CTNND2: variants seen among roughly 807,000 people sequenced by gnomAD.
CTNND2 encodes the protein catenin delta 2.
Under a neutral mutation model 144.4 loss-of-function variants are expected in CTNND2, and 22 were observed. The ratio of observed to expected loss-of-function variants is 0.15; its 90% CI spans 0.11 to 0.22. CTNND2 has a LOEUF of 0.22. Among genes scored for constraint, CTNND2 ranks in the 10% least tolerant of loss-of-function variants. CTNND2 has a pLI of 1.00. For missense variants in CTNND2, 1,353 were observed against 1,618.8 expected (o/e 0.84, Z 2.82); for synonymous variants, 751 against 695.6 (o/e 1.08, Z -1.25).
intron 5 of CTNND2, among the ~76,000 whole-genome samples, chr5:11,406,730 T>C (rs1761129923): frequency 6.6e-6 from 1 of 152,206 alleles, no homozygotes; most frequent in Admixed American, 6.5e-5. Flanking sequence ...ATGATTATTC[T>C]ATTTTAATTC....
At chr5:11,069,075 T>C (rs1405750996) in intron 16 of CTNND2, among the ~76,000 whole-genome samples, 1 of 152,196 alleles carries the variant, frequency 6.6e-6, no homozygotes, top group Non-Finnish European at 1.5e-5. Flanking sequence ...TGTATCTTCA[T>C]CACAACATTA....
At chr5:11,522,852 A>T (rs1295276747) in intron 3 of CTNND2, among the ~76,000 whole-genome samples, 1 of 152,220 alleles carries the variant, frequency 6.6e-6, no homozygotes, top group East Asian at 1.9e-4. Context: ...ATTTACTATG[A>T]TAAATACTGT....
rs1327732718 is a variant in CTNND2 at position 11,364,691 on chromosome 5, C to T, written c.1372+5G>A. ...AGGCCACCCAGTGGGGTCCTGATTA[C>T]ACACCTGTGCTCGTGCGGTAGGTGC... is the stretch of plus-strand genomic sequence containing the variant. On this transcript the variant is annotated splice_donor_5th_base_variant and intron_variant, in intron 8 of 21. Coordinates refer to ENST00000304623, the MANE Select transcript of CTNND2 (RefSeq NM_001332.4). 6.2e-7 allele frequency: 1 copy of T among 1,606,344 alleles called. No individual in the cohort carries two copies. Among genetic ancestry groups the T allele is most frequent in the Non-Finnish European group, 8.5e-7 (1 of 1,177,784 alleles).
chr5:11,661,849 T>C (rs539909782), intron 2 of CTNND2, among the ~76,000 whole-genome samples: 2 of 152,082 alleles, frequency 1.3e-5, no homozygotes, highest in African/African-American at 4.8e-5. Flanking sequence ...TGTTAGGAAC[T>C]GAGTGGCACA....
chr5:11,684,132 C>T (rs998414252), intron 2 of CTNND2, among the ~76,000 whole-genome samples: 13 of 150,910 alleles, frequency 8.6e-5, no homozygotes, highest in Admixed American at 7.3e-4. Context: ...GATGGAGTCT[C>T]GCTCTGTCAT....
At chr5:11,582,179 A>C (rs1424579438) in intron 2 of CTNND2, among the ~76,000 whole-genome samples, 1 of 152,184 alleles carries the variant, frequency 6.6e-6, no homozygotes, top group Non-Finnish European at 1.5e-5. Context: ...GAGAGACAAT[A>C]AATTCCTACT....
intron 10 of CTNND2, among the ~76,000 whole-genome samples, chr5:11,227,853 A>C (rs1200147365): frequency 6.6e-6 from 1 of 152,186 alleles, no homozygotes; most frequent in Non-Finnish European, 1.5e-5. Flanking sequence ...ACAACTGCAA[A>C]TATGAGCTGT....
intron 7 of CTNND2, among the ~76,000 whole-genome samples, chr5:11,381,826 G>T (rs1040420958): frequency 3.7e-4 from 57 of 152,104 alleles, no homozygotes; most frequent in Admixed American, 1.0e-3. Flanking sequence ...AATTAGCCAG[G>T]CGTGGTGGCG....
intron 2 of CTNND2, among the ~76,000 whole-genome samples, chr5:11,647,987 T>C (rs746107416): frequency 3.9e-5 from 6 of 152,304 alleles, no homozygotes; most frequent in Non-Finnish European, 8.8e-5. Context: ...TAAATCTTAC[T>C]TAACTTTCAA....
intron 9 of CTNND2, among the ~76,000 whole-genome samples, chr5:11,288,877 T>G (rs2150010645): frequency 6.6e-6 from 1 of 151,470 alleles, no homozygotes; most frequent in African/African-American, 2.4e-5. Flanking sequence ...CAAAAGAGAT[T>G]CTGTACTGCA....
At chr5:11,648,280 G>C (rs1401432004) in intron 2 of CTNND2, among the ~76,000 whole-genome samples, 1 of 151,544 alleles carries the variant, frequency 6.6e-6, no homozygotes, top group Non-Finnish European at 1.5e-5. Flanking sequence ...AATTCTGCCT[G>C]GGAATATGGG....
chr5:11,502,347 C>A (rs1309584987), intron 3 of CTNND2, among the ~76,000 whole-genome samples: 1 of 152,108 alleles, frequency 6.6e-6, no homozygotes, highest in Non-Finnish European at 1.5e-5. Flanking sequence ...CATGGAAATT[C>A]AATTCAAGGA....
At chr5:11,455,933 A>G (rs1391971589) in intron 3 of CTNND2, among the ~76,000 whole-genome samples, 9 of 152,170 alleles carry the variant, frequency 5.9e-5, no homozygotes, top group African/African-American at 9.7e-5. Context: ...ATCTTCCCCA[A>G]TGGTGATGGG....
chr5:11,682,868 T>C (rs1784481125), intron 2 of CTNND2, among the ~76,000 whole-genome samples: 2 of 152,160 alleles, frequency 1.3e-5, no homozygotes, highest in Non-Finnish European at 2.9e-5. Context: ...TCAAAAACCC[T>C]ACCACTGAAA....
intron 3 of CTNND2, among the ~76,000 whole-genome samples, chr5:11,424,938 G>C (rs1762659918): frequency 6.6e-6 from 1 of 152,084 alleles, no homozygotes; most frequent in African/African-American, 2.4e-5. Flanking sequence ...CCCTGCCCTG[G>C]GCTCATCTCT....
In CTNND2 at chr5:11,572,985, A is replaced by G. The variant is rs573967342; in HGVS notation, c.175-7929T>C. Among the ~76,000 whole-genome samples the G allele has an allele frequency of 4.5e-4, 69 of 152,210 alleles. 1 individual carries two copies. The Middle Eastern group carries it at 0.041, about 90-fold the overall frequency. The stretch of plus-strand genomic sequence containing the variant: ...TTATCATTGTCTAAACTTTTTCCTT[A>G]GATGTTCTACCTGGGAGAGGATCAA... On this transcript the variant is annotated intron_variant, in intron 2 of 21. Transcript: ENST00000304623.
chr5:11,413,308 TATAAAAACCTTTTAAAA>T lies in CTNND2; in HGVS notation c.288-1256_288-1240del, dbSNP rs1168486732. 5.9e-5 allele frequency among the ~76,000 whole-genome samples: 9 copies of T among 152,300 alleles called. No individual in the cohort carries two copies. The East Asian group carries it at 1.7e-3, about 29-fold the overall frequency. On this transcript the variant is annotated intron_variant, in intron 3 of 21. Transcript: ENST00000304623. ...ATGTAATAAAAATGATTTTAAAAAT[TATAAAAACCTTTTAAAA>T]ATTAACAGGTTCACTTAGTAAGTGG... is the stretch of plus-strand genomic sequence containing the variant.
At chr5:11,049,854 C>T (rs1046427343) in intron 16 of CTNND2, among the ~76,000 whole-genome samples, 13 of 152,190 alleles carry the variant, frequency 8.5e-5, no homozygotes, top group Non-Finnish European at 1.9e-4. Flanking sequence ...TAAATACTAA[C>T]TTTGTAAGCC....
At chr5:11,513,275 A>G (rs148863621) in intron 3 of CTNND2, among the ~76,000 whole-genome samples, 4 of 152,270 alleles carry the variant, frequency 2.6e-5, no homozygotes, top group Non-Finnish European at 4.4e-5. Flanking sequence ...TTTTCTCTCT[A>G]AGAAATCAGG....
Sources: gnomAD v4.1 joint callset for allele counts (sites outside exome capture counted in the v4.1 genomes callset) on GRCh38, gnomAD v4.1.1 for gene constraint, MANE v1.5 for transcripts, NCBI Gene and HGNC (gene_info 2026-07-23, HGNC 2026-07-21) for gene names.